The following UTP20 variants were observed in gnomAD, a reference collection of about 807,000 sequenced individuals.
UTP20 encodes UTP20 small subunit processome component, also known as small subunit processome component 20 homolog.
In UTP20, 164 loss-of-function variants were observed where a neutral mutation model predicts 329.5. The observed-to-expected ratio is 0.50, with a 90% CI of 0.44 to 0.57. The LOEUF (loss-of-function observed/expected upper bound fraction) is 0.57, where lower values mean the gene tolerates loss of function less well. Among genes scored for constraint, UTP20 ranks in the 20% least tolerant of loss-of-function variants. The probability of loss-of-function intolerance (pLI) is 0.00; values close to 1 mark genes in which losing one functional copy is unlikely to be tolerated. For missense variants in UTP20, 3,055 were observed against 3,284.2 expected, an observed-to-expected ratio of 0.93 and a Z score of 1.71; for synonymous variants, 1,151 against 1,159.3, an observed-to-expected ratio of 0.99 and a Z score of 0.14.
chr12:101,367,939 C>A lies in UTP20; in HGVS notation c.6347C>A (p.Ser2116Tyr). 6.2e-7 allele frequency: 1 copy of A among 1,613,732 alleles called. No homozygotes were observed. Among genetic ancestry groups the A allele is most frequent in the South Asian group, 1.1e-5 (1 of 91,058 alleles). Residue 2116 changes from serine (S) to tyrosine (Y), a missense_variant, in exon 48 of 62, where the codon TCT becomes TAT. This residue lies in a region of UTP20 where 2,445 missense variants were observed against 2,575.5 expected (regional missense o/e 0.95). Transcript: ENST00000261637. ...CTGGAAATGCTGGATCCTTTTGTGT[C>A]TCTCCTCATAGACTGCCTGGGCTCC... ...CVLEMLDPFV[S>Y]LLIDCLGSMD...
At position 101,359,464 on chromosome 12, in the gene UTP20, G is replaced by GTTGT. The variant is rs879349586; in HGVS notation, c.5691+2382_5691+2383insTTGT. ...TATTTTTCTCCCACTGGTTCCTGAG[G>GTTGT]CTGTGTGTGTGTGTGTGTGTGTATG... On this transcript the variant is annotated intron_variant, in intron 43 of 61. Coordinates refer to ENST00000261637, the MANE Select transcript of UTP20 (RefSeq NM_014503.3). Among the ~76,000 whole-genome samples the GTTGT allele has an allele frequency of 3.9e-3, 475 of 120,450 alleles. 2 individuals are homozygous for GTTGT. Among genetic ancestry groups the GTTGT allele is most frequent in the African/African-American group, 0.021 (432 of 20,434 alleles). 79.0% of individuals were successfully genotyped at this position (120,450 alleles called of 152,430 possible). A position where few individuals can be genotyped will look rare whatever the true frequency, so the allele number is the denominator to read the frequency against.
chr12:101,377,553 A>G (rs1870515337), intron 56 of UTP20, among the ~76,000 whole-genome samples: 2 of 151,820 alleles, frequency 1.3e-5, no homozygotes, highest in African/African-American at 2.4e-5. Context: ...GATGGTCTCC[A>G]TCTCTTGACC....
At chr12:101,317,455 C>T (rs1873007329) in intron 21 of UTP20, 23 bp from the exon 22 acceptor site, 1 of 1,611,310 alleles carries the variant, frequency 6.2e-7, no homozygotes, top group Admixed American at 1.7e-5. Flanking sequence ...CATCAGTATC[C>T]TGTGACTTTC....
Position 101,379,495 on chromosome 12 carries a change from G to T in UTP20, c.7521G>T (p.Lys2507Asn). The T allele has an allele frequency of 6.2e-7, 1 of 1,614,002 alleles. No homozygotes were observed. The highest frequency in any genetic ancestry group is 8.5e-7 in the Non-Finnish European group (1 of 1,179,936). ...EELIQKWNTK[K>N]TKKHLPEPVA... ...TTATTCAAAAATGGAATACCAAAAA[G>T]ACCAAAAAACACCTCCCAGAACCTG... The change falls in exon 57 of 62, where the codon AAG becomes AAT. Residue 2507 changes from lysine to asparagine, a missense_variant. Physicochemically the swap from Lys to Asn is moderately conservative, Grantham distance 94. Coordinates refer to ENST00000261637, the MANE Select transcript of UTP20 (RefSeq NM_014503.3).
At chr12:101,351,682 G>C (rs868119031) in intron 38 of UTP20, among the ~76,000 whole-genome samples, 1 of 151,786 alleles carries the variant, frequency 6.6e-6, no homozygotes, top group Non-Finnish European at 1.5e-5. Context: ...TTTTTCCGAT[G>C]ATCTCCCTCC....
intron 14 of UTP20, among the ~76,000 whole-genome samples, chr12:101,301,733 G>A (rs1432494808): frequency 1.3e-5 from 2 of 152,122 alleles, no homozygotes; most frequent in African/African-American, 2.4e-5. Context: ...CATTGAATAT[G>A]TGACTTCTTA....
At chr12:101,324,148 AAAATAAAT>A (rs375502891) in intron 25 of UTP20, among the ~76,000 whole-genome samples, 19,090 of 143,634 alleles carry the variant, frequency 0.13, 1,434 homozygotes, top group Middle Eastern at 0.25. Flanking sequence ...AAAAAATAAA[AAAATAAAT>A]AAATAAATAA....
Position 101,339,535 on chromosome 12 carries a change from C to T in UTP20, c.4013+578C>T, listed in dbSNP as rs370622051. Reference sequence around the variant, plus strand: ...TAAAGGGGACAGATTTTTCAAAATCCTAAAGTAGACTAATAGATTTGTTTG... The same window carrying T: ...TAAAGGGGACAGATTTTTCAAAATCTTAAAGTAGACTAATAGATTTGTTTG... On this transcript the variant is annotated intron_variant, in intron 31 of 61. Coordinates refer to ENST00000261637, the MANE Select transcript of UTP20 (RefSeq NM_014503.3). Among the ~76,000 whole-genome samples, 122 of 152,128 alleles carry T rather than the reference C, an allele frequency of 8.0e-4. 3 individuals are homozygous for T. The East Asian group carries it at 0.016, about 20-fold the overall frequency.
chr12:101,292,841 G>A lies in UTP20; in HGVS notation c.1174-327G>A, dbSNP rs184682188. Among the ~76,000 whole-genome samples, 3 of 152,328 alleles carry A rather than the reference G, an allele frequency of 2.0e-5. No individual in the cohort carries two copies. In the East Asian group the frequency reaches 5.8e-4, roughly 29 times the overall value. ...TGAGATTTGCATTTTAGTGAATTTG[G>A]AAGTAGGATTGGAAATAGAAAGGTT... On this transcript the variant is annotated intron_variant, in intron 10 of 61. Transcript: ENST00000261637.
intron 56 of UTP20, among the ~76,000 whole-genome samples, chr12:101,378,283 A>G (rs1168124845): frequency 6.6e-6 from 1 of 152,242 alleles, no homozygotes; most frequent in Non-Finnish European, 1.5e-5. Context: ...GAGATAATAC[A>G]TGTAACACAA....
chr12:101,290,859 C>T lies in UTP20; in HGVS notation c.862C>T (p.His288Tyr), dbSNP rs771077454. 7 of 1,612,410 alleles carry T rather than the reference C, an allele frequency of 4.3e-6. No homozygotes were observed. Among genetic ancestry groups the T allele is most frequent in the East Asian group, 2.2e-5 (1 of 44,830 alleles). The change falls in exon 8 of 62, where the codon CAT becomes TAT. Residue 288 changes from histidine (H) to tyrosine (Y), a missense_variant. This residue lies in a region of UTP20 where 2,445 missense variants were observed against 2,575.5 expected (regional missense o/e 0.95). Coordinates refer to ENST00000261637, the MANE Select transcript of UTP20 (RefSeq NM_014503.3). Reference sequence around the variant, plus strand: ...CACTGTATCCTACATCTCCAAGGAACATTTTGGTACATTTTTTGAATGTTT... The same window carrying T: ...CACTGTATCCTACATCTCCAAGGAATATTTTGGTACATTTTTTGAATGTTT... ...KSTVSYISKE[H>Y]FGTFFECLQE...
chr12:101,284,388 C>T (rs371967294), intron 2 of UTP20, among the ~76,000 whole-genome samples: 13 of 152,058 alleles, frequency 8.5e-5, no homozygotes, highest in African/African-American at 2.9e-4. Flanking sequence ...TTATGGACTC[C>T]AGCTGTATCC....
chr12:101,313,496 G>A (rs1358988074), intron 21 of UTP20, among the ~76,000 whole-genome samples: 1 of 152,168 alleles, frequency 6.6e-6, no homozygotes, highest in Non-Finnish European at 1.5e-5. Context: ...TATGGCTGCT[G>A]TGTTGAGAAT....
rs1380350861 is a variant in UTP20, at chr12:101,280,272, C to T, written c.-11C>T. The T allele has an allele frequency of 1.3e-6, 2 of 1,551,716 alleles. No individual in the cohort carries two copies. Among genetic ancestry groups the T allele is most frequent in the South Asian group, 1.2e-5 (1 of 84,062 alleles). On this transcript the variant is annotated 5_prime_UTR_variant, in exon 1 of 62. Transcript: ENST00000261637. Reference sequence around the variant, plus strand: ...CCCGAGGCCGTCGCGGGCCACTGGCCCTCTGCAGCCATGAAGACAAAGCCC... The same window carrying T: ...CCCGAGGCCGTCGCGGGCCACTGGCTCTCTGCAGCCATGAAGACAAAGCCC...
intron 48 of UTP20, among the ~76,000 whole-genome samples, chr12:101,368,440 T>C (rs767034824): frequency 7.9e-5 from 12 of 152,094 alleles, no homozygotes; most frequent in Non-Finnish European, 1.6e-4. Context: ...GCCGAGATTA[T>C]TGAGTTTTTA....
Position 101,312,116 on chromosome 12 carries a change from G to A in UTP20, c.2392G>A (p.Gly798Arg). Residue 798 changes from glycine (G) to arginine (R), a missense_variant, in exon 21 of 62, where the codon GGA becomes AGA. Coordinates refer to ENST00000261637, the MANE Select transcript of UTP20 (RefSeq NM_014503.3). Reference sequence around the variant, plus strand: ...GGAGCAGACCCAGGAAGGAGATGTTGGAGCTCTTTATCATGAGCAGTTAGC... The same window carrying A: ...GGAGCAGACCCAGGAAGGAGATGTTAGAGCTCTTTATCATGAGCAGTTAGC... ...SWEQTQEGDV[G>R]ALYHEQLALK... 6.2e-7 allele frequency: 1 copy of A among 1,614,218 alleles called. No individual in the cohort carries two copies. Among genetic ancestry groups the A allele is most frequent in the South Asian group, 1.1e-5 (1 of 91,084 alleles).
intron 60 of UTP20, among the ~76,000 whole-genome samples, chr12:101,383,976 C>T (rs1870746065): frequency 6.6e-6 from 1 of 151,702 alleles, no homozygotes; most frequent in Non-Finnish European, 1.5e-5. Context: ...AGTGTTGAGA[C>T]TATAGAAGTG....
intron 48 of UTP20, among the ~76,000 whole-genome samples, chr12:101,369,094 T>C (rs1310174421): frequency 6.6e-6 from 1 of 152,230 alleles, no homozygotes; most frequent in Non-Finnish European, 1.5e-5. Flanking sequence ...GTGCCTGATT[T>C]CTGAGTTAAC....
chr12:101,342,788 C>T lies in UTP20; in HGVS notation c.4247C>T (p.Thr1416Ile), dbSNP rs774607968. ...ATACACTGTTTTCTTTCCTTTCAGACTCTTTCTGATTTTGAGAGTGGGTTA... is the reference window on the plus strand; with the variant it reads ...ATACACTGTTTTCTTTCCTTTCAGATTCTTTCTGATTTTGAGAGTGGGTTA... ...SRKLLCTVFE[T>I]LSDFESGLKY... The change falls in exon 34 of 62, where the codon ACT (threonine) becomes ATT (isoleucine). Residue 1416 changes from threonine (T) to isoleucine (I), a missense_variant and splice_region_variant. Physicochemically the swap from Thr to Ile is moderately conservative, Grantham distance 89. Transcript: ENST00000261637. 8.6e-5 allele frequency: 139 copies of T among 1,612,632 alleles called. No individual in the cohort carries two copies. Among genetic ancestry groups the T allele is most frequent in the Non-Finnish European group, 1.2e-4 (137 of 1,179,272 alleles).
Sources: allele counts gnomAD v4.1 joint callset (sites outside exome capture counted in the v4.1 genomes callset), GRCh38; gene constraint gnomAD v4.1.1; regional missense constraint gnomAD v4.1.1; transcripts MANE v1.5; gene names NCBI Gene and HGNC (gene_info 2026-07-23, HGNC 2026-07-21).